The following MRTFA variants were observed in gnomAD, a reference collection of about 807,000 sequenced individuals.
The protein encoded by MRTFA is myocardin related transcription factor A.
A neutral mutation model predicts 83.5 loss-of-function variants in MRTFA; 20 were observed. That is an observed-to-expected ratio of 0.24 (90% CI 0.17 to 0.35). MRTFA has a LOEUF of 0.35. Ranked by LOEUF, MRTFA falls within the 10% of genes least tolerant of loss-of-function variation. MRTFA has a pLI of 1.00. For missense variants in MRTFA, 1,200 were observed against 1,224.7 expected, an observed-to-expected ratio of 0.98 and a Z score of 0.30; for synonymous variants, 659 against 541.2, an observed-to-expected ratio of 1.22 and a Z score of -3.02.
chr22:40,432,748 A>C (rs970989067), intron 5 of MRTFA, among the ~76,000 whole-genome samples: 2 of 151,772 alleles, frequency 1.3e-5, no homozygotes, highest in Admixed American at 6.6e-5. Context: ...CTGGCTGGGC[A>C]GCTCTGTGCC....
At chr22:40,502,795 G>C (rs1311558898) in intron 3 of MRTFA, among the ~76,000 whole-genome samples, 1 of 151,998 alleles carries the variant, frequency 6.6e-6, no homozygotes, top group African/African-American at 2.4e-5. Context: ...CAAAGACTGA[G>C]ACAGCTCCGC....
intron 4 of MRTFA, among the ~76,000 whole-genome samples, chr22:40,438,809 T>C (rs1480839142): frequency 6.6e-6 from 1 of 152,122 alleles, no homozygotes; most frequent in Non-Finnish European, 1.5e-5. Flanking sequence ...TTTGGTACCA[T>C]CTGCAGTTTC....
At chr22:40,515,506 A>AATAGAGC (rs1313697129) in intron 3 of MRTFA, among the ~76,000 whole-genome samples, 2 of 151,884 alleles carry the variant, frequency 1.3e-5, no homozygotes, top group African/African-American at 4.8e-5. Flanking sequence ...TCAGCCTGGC[A>AATAGAGC]ATAGAGCAAA....
intron 2 of MRTFA, among the ~76,000 whole-genome samples, chr22:40,584,070 A>ACTGTC (rs2055988625): frequency 6.6e-6 from 1 of 150,412 alleles, no homozygotes; most frequent in South Asian, 2.1e-4. Context: ...ATTAAAATTT[A>ACTGTC]CTGTCCTTCT....
chr22:40,471,911 C>A (rs1190901958), intron 3 of MRTFA, among the ~76,000 whole-genome samples: 2 of 152,266 alleles, frequency 1.3e-5, no homozygotes, highest in Admixed American at 1.3e-4. Context: ...CAATCATTCA[C>A]AAACTCTTCC....
chr22:40,625,445 CTCTCTAAA>C (rs1227268798), intron 1 of MRTFA, among the ~76,000 whole-genome samples: 82 of 142,092 alleles, frequency 5.8e-4, no homozygotes, highest in African/African-American at 1.4e-3. Context: ...GCAAGGCCCT[CTCTCTAAA>C]TAAATAAATA....
intron 3 of MRTFA, among the ~76,000 whole-genome samples, chr22:40,528,406 T>C (rs1025294637): frequency 1.1e-4 from 16 of 152,168 alleles, no homozygotes; most frequent in African/African-American, 3.9e-4. Flanking sequence ...AAGAATTTTC[T>C]ACCTAAGGTT....
chr22:40,473,627 A>C (rs1218620820), intron 3 of MRTFA, among the ~76,000 whole-genome samples: 1 of 152,220 alleles, frequency 6.6e-6, no homozygotes, highest in East Asian at 1.9e-4. Context: ...AGCAACAGAC[A>C]CCAATACTTT....
At chr22:40,485,054 TAGTG>T (rs1281828333) in intron 3 of MRTFA, among the ~76,000 whole-genome samples, 1 of 146,834 alleles carries the variant, frequency 6.8e-6, no homozygotes, top group Non-Finnish European at 1.5e-5. Context: ...CCTGGCAACA[TAGTG>T]AGACTCCGTC....
intron 4 of MRTFA, among the ~76,000 whole-genome samples, chr22:40,442,672 T>TA (rs1170790995): frequency 6.6e-6 from 1 of 151,740 alleles, no homozygotes; most frequent in African/African-American, 2.4e-5. Flanking sequence ...GAGACAAATA[T>TA]AAGATGGAAG....
At chr22:40,554,342 T>C (rs974056913) in intron 2 of MRTFA, among the ~76,000 whole-genome samples, 11 of 152,192 alleles carry the variant, frequency 7.2e-5, no homozygotes, top group Non-Finnish European at 1.0e-4. Flanking sequence ...AAATCTCACC[T>C]TGAACTGTAG....
intron 3 of MRTFA, among the ~76,000 whole-genome samples, chr22:40,470,283 A>G (rs1265468995): frequency 1.6e-5 from 2 of 127,734 alleles, no homozygotes; most frequent in East Asian, 2.3e-4. Context: ...ATATATATAA[A>G]GAAACATAAT....
At chr22:40,447,014 T>C (rs957718836) in intron 4 of MRTFA, among the ~76,000 whole-genome samples, 1 of 152,040 alleles carries the variant, frequency 6.6e-6, no homozygotes, top group African/African-American at 2.4e-5. Context: ...GTGACAGTGA[T>C]GGGGTGAGGT....
At chr22:40,616,394 T>C (rs2056449463) in intron 1 of MRTFA, among the ~76,000 whole-genome samples, 1 of 152,214 alleles carries the variant, frequency 6.6e-6, no homozygotes, top group Non-Finnish European at 1.5e-5. Flanking sequence ...AACTCTGGCT[T>C]CAGTGTGGAG....
At chr22:40,580,040 T>C (rs1251023967) in intron 2 of MRTFA, among the ~76,000 whole-genome samples, 1 of 152,188 alleles carries the variant, frequency 6.6e-6, no homozygotes, top group Non-Finnish European at 1.5e-5. Flanking sequence ...GGTGATTTTA[T>C]AATAAAAACA....
At chr22:40,481,352 T>C (rs1602313208) in intron 3 of MRTFA, among the ~76,000 whole-genome samples, 1 of 152,270 alleles carries the variant, frequency 6.6e-6, no homozygotes, top group East Asian at 1.9e-4. Flanking sequence ...CATTCATTTA[T>C]TGAACTAATA....
In MRTFA at chr22:40,430,988, T is replaced by C. The variant is rs552236527; in HGVS notation, c.439+417A>G. ...GGTATATCACAGACACTCAAGTGAATGCCAAGTGAATGACTGACCGAATGA... is the reference window on the plus strand; with the variant it reads ...GGTATATCACAGACACTCAAGTGAACGCCAAGTGAATGACTGACCGAATGA... On this transcript the variant is annotated intron_variant, in intron 6 of 14. Transcript: ENST00000355630. Among the ~76,000 whole-genome samples, 61 of 151,412 alleles carry C rather than the reference T, an allele frequency of 4.0e-4. No homozygotes were observed. The South Asian group carries it at 6.0e-3, about 15-fold the overall frequency.
rs116913957 is a variant in MRTFA at position 40,444,511 on chromosome 22, T to C, written c.308-8957A>G. On this transcript the variant is annotated intron_variant, in intron 4 of 14. Transcript: ENST00000355630. ...AAATTTATAGTAACATAAGCCATAA[T>C]TAAACTTTGGAAAACTAAAAGAAAA... Among the ~76,000 whole-genome samples the C allele has an allele frequency of 4.7e-3, 723 of 152,280 alleles. 5 individuals carry two copies. The highest frequency in any genetic ancestry group is 7.4e-3 in the Non-Finnish European group (505 of 68,020).
Position 40,477,075 on chromosome 22 carries a change from A to C in MRTFA, c.242-13789T>G, listed in dbSNP as rs2054009797. ...CCAGGTGCGGTGGCTCATGCCTGTA[A>C]TCCCAGCACTTTGGGAGGCCAAGGC... On this transcript the variant is annotated intron_variant, in intron 3 of 14. Transcript: ENST00000355630. Among the ~76,000 whole-genome samples the C allele has an allele frequency of 2.6e-5, 4 of 151,094 alleles. No homozygotes were observed. The Admixed American group carries it at 2.7e-4, about 10-fold the overall frequency.
Sources: allele counts gnomAD v4.1 joint callset (sites outside exome capture counted in the v4.1 genomes callset), GRCh38; gene constraint gnomAD v4.1.1; transcripts MANE v1.5; gene names NCBI Gene and HGNC (gene_info 2026-07-23, HGNC 2026-07-21).